Variants in TMEM236 observed in about 807,000 individuals in gnomAD.
TMEM236 encodes family with sequence similarity 23, member A.
TMEM236 carries 11 observed loss-of-function variants against 14.7 expected under a neutral mutation model. That is an observed-to-expected ratio of 0.75 (90% CI 0.47 to 1.24). TMEM236 has a LOEUF of 1.24. Ranked by LOEUF, TMEM236 falls within the 50% of genes most tolerant of loss-of-function variation. TMEM236 has a pLI of 0.00. For synonymous variants in TMEM236, 182 were observed against 168.6 expected, an observed-to-expected ratio of 1.08 and a Z score of -0.62; for missense variants, 464 against 427.3, an observed-to-expected ratio of 1.09 and a Z score of -0.76.
At chr10:17,753,919 T>G (rs1837245642) in intron 1 of TMEM236, among the ~76,000 whole-genome samples, 1 of 152,332 alleles carries the variant, frequency 6.6e-6, no homozygotes, top group East Asian at 1.9e-4. Context: ...GGTAAGGATG[T>G]GAGCAGAGCG....
chr10:17,759,982 CAAAAAAAAAAAAAAAA>C (rs35596189), intron 1 of TMEM236, among the ~76,000 whole-genome samples: 2 of 54,702 alleles, frequency 3.7e-5, no homozygotes, highest in Non-Finnish European at 3.3e-5. Flanking sequence ...GACTCCGTCT[CAAAAAAAAAAAAAAAA>C]AAAAAAAAAA....
At position 17,799,014 on chromosome 10, in the gene TMEM236, G is replaced by C. The variant is rs1838057730; in HGVS notation, c.*2510G>C. 2 of 270,812 alleles carry C rather than the reference G, an allele frequency of 7.4e-6. No homozygotes were observed. The highest frequency in any genetic ancestry group is 1.0e-4 in the East Asian group (1 of 9,856). 16.8% of individuals were successfully genotyped at this position (270,812 alleles called of 1,614,324 possible). A position where few individuals can be genotyped will look rare whatever the true frequency, so the allele number is the denominator to read the frequency against. On this transcript the variant is annotated 3_prime_UTR_variant, in exon 4 of 4. Coordinates refer to ENST00000377495, the MANE Select transcript of TMEM236 (RefSeq NM_001098844.3). Reference sequence around the variant, plus strand: ...TACATACAATCTTAAGGTTACTTCAGACTATACTTTTTCATCGAGGAGTAT... The same window carrying C: ...TACATACAATCTTAAGGTTACTTCACACTATACTTTTTCATCGAGGAGTAT...
chr10:17,795,031 A>AAAAC (rs1424980485), intron 3 of TMEM236, among the ~76,000 whole-genome samples: 1 of 152,170 alleles, frequency 6.6e-6, no homozygotes, highest in Non-Finnish European at 1.5e-5. Context: ...CTGTCACAAA[A>AAAAC]AAACAAACAA....
chr10:17,752,207 C>G lies in TMEM236; in HGVS notation c.-89C>G. 1 of 1,607,588 alleles carries G rather than the reference C, an allele frequency of 6.2e-7. No individual in the cohort carries two copies. Among genetic ancestry groups the G allele is most frequent in the Non-Finnish European group, 8.5e-7 (1 of 1,175,098 alleles). On this transcript the variant is annotated 5_prime_UTR_variant, in exon 1 of 4. Transcript: ENST00000377495. Reference sequence around the variant, plus strand: ...TGGTTAGCGATTCGAGGACAAGGAACTTGATCCCAGTTCAGTGTCTGTGGG... The same window carrying G: ...TGGTTAGCGATTCGAGGACAAGGAAGTTGATCCCAGTTCAGTGTCTGTGGG...
Position 17,771,363 on chromosome 10 carries a change from T to G in TMEM236, c.312T>G (p.Phe104Leu), listed in dbSNP as rs1837569112. ...TCACCACACTGCCCTGCCTCACCTT[T>G]TCCATAGCAGTGACTGAGGTATGGA... ...VVLTTLPCLT[F>L]SIAVTEVQKS... The change falls in exon 2 of 4, where the codon TTT (phenylalanine) becomes TTG (leucine). Residue 104 changes from phenylalanine to leucine, a missense_variant. By Grantham distance (22) the Phe-to-Leu change is conservative (BLOSUM62 0). Transcript: ENST00000377495. The G allele has an allele frequency of 1.2e-6, 2 of 1,613,856 alleles. No homozygotes were observed. The highest frequency in any genetic ancestry group is 2.2e-5 in the East Asian group (1 of 44,894).
chr10:17,787,441 A>G (rs1837856230), intron 3 of TMEM236, among the ~76,000 whole-genome samples: 1 of 152,306 alleles, frequency 6.6e-6, no homozygotes, highest in African/African-American at 2.4e-5. Flanking sequence ...CCATAGGGGC[A>G]TCTGAGTGGT....
At chr10:17,774,347 CTAAT>C (rs1837624350) in intron 2 of TMEM236, among the ~76,000 whole-genome samples, 1 of 152,128 alleles carries the variant, frequency 6.6e-6, no homozygotes, top group Non-Finnish European at 1.5e-5. Flanking sequence ...GCCCAGCCTC[CTAAT>C]TATATTTTGA....
chr10:17,761,241 G>A (rs962110325), intron 1 of TMEM236, among the ~76,000 whole-genome samples: 4 of 151,986 alleles, frequency 2.6e-5, no homozygotes, highest in Non-Finnish European at 2.9e-5. Flanking sequence ...GACCTGATTC[G>A]TCCTGATTGT....
intron 1 of TMEM236, among the ~76,000 whole-genome samples, chr10:17,757,575 G>T (rs1393681113): frequency 6.7e-6 from 1 of 150,168 alleles, no homozygotes; most frequent in Non-Finnish European, 1.5e-5. Context: ...CTCTAGCCTG[G>T]GTCACACAGC....
chr10:17,785,885 G>C (rs2131761657), intron 3 of TMEM236, among the ~76,000 whole-genome samples: 1 of 152,200 alleles, frequency 6.6e-6, no homozygotes, highest in South Asian at 2.1e-4. Context: ...GAGAAGGGTA[G>C]GATTTCTGAT....
intron 2 of TMEM236, among the ~76,000 whole-genome samples, chr10:17,772,551 TATG>T (rs1332121757): frequency 1.3e-5 from 2 of 152,252 alleles, no homozygotes; most frequent in African/African-American, 2.4e-5. Flanking sequence ...GGCTCTTTTT[TATG>T]ATGTCTCTTC....
rs1838003900 is a variant in TMEM236, at chr10:17,795,909, T to A, written c.473-12T>A. On this transcript the variant is annotated splice_polypyrimidine_tract_variant and intron_variant, in intron 3 of 3. Coordinates refer to ENST00000377495, the MANE Select transcript of TMEM236 (RefSeq NM_001098844.3). Reference sequence around the variant, plus strand: ...TTAAAAACTAAAATGTAAATAAATCTGTTAATTGCAGGTAGTGAAAATGGA... The same window carrying A: ...TTAAAAACTAAAATGTAAATAAATCAGTTAATTGCAGGTAGTGAAAATGGA... The A allele has an allele frequency of 2.5e-6, 4 of 1,612,920 alleles. No individual in the cohort carries two copies. The highest frequency in any genetic ancestry group is 3.4e-6 in the Non-Finnish European group (4 of 1,178,910).
Position 17,796,748 on chromosome 10 carries a change from T to A in TMEM236, c.*244T>A. ...GGTATTTCTAGAAAATGTTAGCAGC[T>A]AATTTTAGTTAGTTATGTATACTGA... On this transcript the variant is annotated 3_prime_UTR_variant, in exon 4 of 4. Coordinates refer to ENST00000377495, the MANE Select transcript of TMEM236 (RefSeq NM_001098844.3). 1.9e-6 allele frequency: 1 copy of A among 518,068 alleles called. No individual in the cohort carries two copies. Among genetic ancestry groups the A allele is most frequent in the Non-Finnish European group, 3.4e-6 (1 of 291,714 alleles). The allele number at this position is 518,068 out of a possible 1,614,324, so 32.1% of individuals were successfully genotyped here. A position where few individuals can be genotyped will look rare whatever the true frequency, so the allele number is the denominator to read the frequency against.
At chr10:17,776,861 A>G (rs1422734171) in intron 3 of TMEM236, among the ~76,000 whole-genome samples, 6 of 152,248 alleles carry the variant, frequency 3.9e-5, no homozygotes, top group Admixed American at 6.5e-5. Flanking sequence ...TGGCCCTTAC[A>G]AAAAGATATT....
At chr10:17,754,737 T>G (rs1469254449) in intron 1 of TMEM236, among the ~76,000 whole-genome samples, 4 of 152,168 alleles carry the variant, frequency 2.6e-5, no homozygotes, top group Non-Finnish European at 2.9e-5. Context: ...AAATCAGGAT[T>G]TAATGTTAAT....
chr10:17,765,651 C>G (rs1272639451), intron 1 of TMEM236, among the ~76,000 whole-genome samples: 1 of 152,170 alleles, frequency 6.6e-6, no homozygotes, highest in African/African-American at 2.4e-5. Context: ...CATGCAAGTT[C>G]AAAAGCTAGG....
chr10:17,800,685 A>G lies in TMEM236; in HGVS notation c.*4181A>G, dbSNP rs1838080394. On this transcript the variant is annotated 3_prime_UTR_variant, in exon 4 of 4. Transcript: ENST00000377495. ...TGGAGCAGGGCCTTACATAGTGAAT[A>G]TATCAATAGTTGTTCACAAAAAGAG... 1 of 152,196 alleles carries G rather than the reference A, an allele frequency of 6.6e-6. No individual in the cohort carries two copies. Among genetic ancestry groups the G allele is most frequent in the South Asian group, 2.1e-4 (1 of 4,830 alleles). The allele number at this position is 152,196 out of a possible 1,614,324, so 9.4% of individuals were successfully genotyped here. A position where few individuals can be genotyped will look rare whatever the true frequency, so the allele number is the denominator to read the frequency against.
intron 3 of TMEM236, among the ~76,000 whole-genome samples, chr10:17,793,774 C>T (rs1357584859): frequency 6.6e-6 from 1 of 152,172 alleles, no homozygotes; most frequent in African/African-American, 2.4e-5. Context: ...TGAGCCATCA[C>T]GCCTGGCTCT....
chr10:17,773,752 A>G (rs1837612903), intron 2 of TMEM236, among the ~76,000 whole-genome samples: 2 of 152,092 alleles, frequency 1.3e-5, no homozygotes, highest in Admixed American at 6.6e-5. Context: ...CATCTTGCCC[A>G]TTTTTTATTG....
Sources: gnomAD v4.1 joint callset for allele counts (sites outside exome capture counted in the v4.1 genomes callset) on GRCh38, gnomAD v4.1.1 for gene constraint, MANE v1.5 for transcripts, NCBI Gene and HGNC (gene_info 2026-07-23, HGNC 2026-07-21) for gene names.